The following B3GNT2 variants were observed in gnomAD, a reference collection of about 807,000 sequenced individuals.
B3GNT2 encodes N-acetyllactosaminide beta-1,3-N-acetylglucosaminyltransferase 2.
Under a neutral mutation model 27.6 loss-of-function variants are expected in B3GNT2, and 12 were observed. The ratio of observed to expected loss-of-function variants is 0.44; its 90% CI spans 0.28 to 0.71. The LOEUF is 0.71. Among genes scored for constraint, B3GNT2 ranks in the 30% least tolerant of loss-of-function variants. The pLI is 0.17. For synonymous variants in B3GNT2, 192 were observed against 189.7 expected (o/e 1.01, Z -0.10); for missense variants, 413 against 488.5 (o/e 0.85, Z 1.46).
intron 1 of B3GNT2, among the ~76,000 whole-genome samples, chr2:62,208,758 C>T (rs1674426709): frequency 6.6e-6 from 1 of 152,156 alleles, no homozygotes; most frequent in Non-Finnish European, 1.5e-5. Flanking sequence ...CCTTTACTGT[C>T]CCTCCCCTTC....
In B3GNT2 at chr2:62,222,055, CA is replaced by C. The variant is rs1045910596; in HGVS notation, c.-9-154del. ...GGACTATCCCACTTGCCCATGATCA[CA>C]AAGCTAGAAAGGAAGGGCCAAGATT... On this transcript the variant is annotated intron_variant, in intron 1 of 1. Coordinates refer to ENST00000301998, the MANE Select transcript of B3GNT2 (RefSeq NM_006577.6). This position sits in a 1 kb window ranked among gnomAD's most constrained non-coding sequence, Gnocchi z 4.2. Among the ~76,000 whole-genome samples the C allele has an allele frequency of 4.6e-5, 7 of 152,206 alleles. No homozygotes were observed. Among genetic ancestry groups the C allele is most frequent in the African/African-American group, 1.7e-4 (7 of 41,508 alleles).
chr2:62,197,948 C>T (rs886287635), intron 1 of B3GNT2, among the ~76,000 whole-genome samples: 1 of 152,218 alleles, frequency 6.6e-6, no homozygotes, highest in Non-Finnish European at 1.5e-5. Flanking sequence ...GGAGCCCATG[C>T]GCTCTTAAAC....
intron 1 of B3GNT2, among the ~76,000 whole-genome samples, chr2:62,197,501 G>A (rs1026231169): frequency 2.5e-4 from 38 of 152,314 alleles, no homozygotes; most frequent in African/African-American, 8.4e-4. Flanking sequence ...GCTCACAGGT[G>A]CCTGAGCTGT....
chr2:62,204,276 T>C (rs1269650160), intron 1 of B3GNT2, among the ~76,000 whole-genome samples: 1 of 145,326 alleles, frequency 6.9e-6, no homozygotes, highest in African/African-American at 2.5e-5. Context: ...TCCACCTGCC[T>C]TGGCCTCCCA....
At chr2:62,214,569 T>C (rs953730006) in intron 1 of B3GNT2, among the ~76,000 whole-genome samples, 29 of 152,316 alleles carry the variant, frequency 1.9e-4, no homozygotes, top group African/African-American at 6.3e-4. Context: ...GAGGTGATGC[T>C]CATGGCATTG....
chr2:62,212,150 G>A (rs1261058577), intron 1 of B3GNT2, among the ~76,000 whole-genome samples: 2 of 152,106 alleles, frequency 1.3e-5, no homozygotes, highest in African/African-American at 4.8e-5. Context: ...TGTAAGTAGA[G>A]GGCTCTGAAG....
rs115331463 is a variant in B3GNT2, at chr2:62,217,603, C to T, written c.-9-4609C>T. Among the ~76,000 whole-genome samples, 499 of 152,240 alleles carry T rather than the reference C, an allele frequency of 3.3e-3. 5 individuals carry two copies. Among genetic ancestry groups the T allele is most frequent in the African/African-American group, 0.011 (471 of 41,510 alleles). On this transcript the variant is annotated intron_variant, in intron 1 of 1. Transcript: ENST00000301998. ...GCAGCACTGTAGGGGTCGAATACGG[C>T]GATGCTGACACAGGCTGGGGGTGGG... is the stretch of plus-strand genomic sequence containing the variant.
At chr2:62,215,450 G>A (rs1674554572) in intron 1 of B3GNT2, 1 of 152,302 alleles carries the variant, frequency 6.6e-6, no homozygotes. Flanking sequence ...TGGTCCCACT[G>A]AGCTGCTCCA....
intron 1 of B3GNT2, among the ~76,000 whole-genome samples, chr2:62,202,717 A>G (rs536750336): frequency 6.6e-6 from 1 of 152,234 alleles, no homozygotes; most frequent in Non-Finnish European, 1.5e-5. Flanking sequence ...TCTCTCAGAA[A>G]GAAGCTGGAG....
intron 1 of B3GNT2, among the ~76,000 whole-genome samples, chr2:62,214,500 C>T (rs1674535297): frequency 2.0e-5 from 3 of 152,170 alleles, no homozygotes; most frequent in Non-Finnish European, 4.4e-5. Flanking sequence ...AGGGACTCTG[C>T]AAGGCATGTG....
At chr2:62,204,326 T>G (rs1674327407) in intron 1 of B3GNT2, among the ~76,000 whole-genome samples, 1 of 152,250 alleles carries the variant, frequency 6.6e-6, no homozygotes, top group East Asian at 1.9e-4. Context: ...TTATTTTCTT[T>G]GAGAAGCACT....
In B3GNT2 at chr2:62,222,952, C is replaced by A; in HGVS notation, c.732C>A (p.Gly244=). 6.2e-7 allele frequency: 1 copy of A among 1,614,092 alleles called. No individual in the cohort carries two copies. Among genetic ancestry groups the A allele is most frequent in the Non-Finnish European group, 8.5e-7 (1 of 1,180,012 alleles). The part of the protein sequence containing the change: ...SCPDTEFVFK[G]DDDVFVNTHH... Reference sequence around the variant, plus strand: ...CAGACACTGAGTTTGTTTTCAAGGGCGATGACGATGTTTTTGTGAACACCC... The same window carrying A: ...CAGACACTGAGTTTGTTTTCAAGGGAGATGACGATGTTTTTGTGAACACCC... Residue 244 remains glycine (G), a synonymous_variant, in exon 2 of 2, where the codon GGC becomes GGA. Transcript: ENST00000301998. The surrounding 1 kb of genome is among the most constrained non-coding windows in gnomAD (Gnocchi z 4.2).
chr2:62,201,327 T>C (rs1010862592), intron 1 of B3GNT2, among the ~76,000 whole-genome samples: 2 of 152,242 alleles, frequency 1.3e-5, no homozygotes, highest in African/African-American at 2.4e-5. Context: ...CTGTGTAACA[T>C]GAGCTAGGAT....
At chr2:62,213,681 C>T (rs1395196606) in intron 1 of B3GNT2, among the ~76,000 whole-genome samples, 1 of 152,200 alleles carries the variant, frequency 6.6e-6, no homozygotes, top group African/African-American at 2.4e-5. Flanking sequence ...GGAGTCAGCA[C>T]TGCTGAAATT....
rs558107673 is a variant in B3GNT2, at chr2:62,223,570, C to T, written c.*156C>T. On this transcript the variant is annotated 3_prime_UTR_variant, in exon 2 of 2. Transcript: ENST00000301998. The stretch of plus-strand genomic sequence containing the variant: ...TCTAAACCCTTCAATTTGGTACTCA[C>T]GTGAAGAGGGAAAGCGGAAGATGGT... The T allele has an allele frequency of 6.2e-5, 39 of 628,526 alleles. No homozygotes were observed. The highest frequency in any genetic ancestry group is 6.0e-4 in the South Asian group (26 of 43,282). The allele number at this position is 628,526 out of a possible 1,614,324, so 38.9% of individuals were successfully genotyped here.
At chr2:62,211,697 G>A (rs1308747488) in intron 1 of B3GNT2, among the ~76,000 whole-genome samples, 1 of 152,162 alleles carries the variant, frequency 6.6e-6, no homozygotes, top group Non-Finnish European at 1.5e-5. Flanking sequence ...TAGCAGCCCT[G>A]GGCCCCACCA....
At chr2:62,209,086 G>A in intron 1 of B3GNT2, among the ~76,000 whole-genome samples, 1 of 152,058 alleles carries the variant, frequency 6.6e-6, no homozygotes, top group Admixed American at 6.6e-5. Context: ...TGCCTCCCGG[G>A]TTCAAGCGCC....
At chr2:62,207,960 G>A (rs1011667516) in intron 1 of B3GNT2, among the ~76,000 whole-genome samples, 2 of 152,168 alleles carry the variant, frequency 1.3e-5, no homozygotes, top group African/African-American at 4.8e-5. Flanking sequence ...CTGCTTCTCT[G>A]TGTGTGGCCA....
intron 1 of B3GNT2, among the ~76,000 whole-genome samples, chr2:62,198,054 A>C (rs778995638): frequency 1.3e-5 from 2 of 152,258 alleles, no homozygotes; most frequent in African/African-American, 2.4e-5. Flanking sequence ...AGACTTTACA[A>C]ATGTGTTTAT....
Sources: gnomAD v4.1 joint callset for allele counts (sites outside exome capture counted in the v4.1 genomes callset) on GRCh38, gnomAD v4.1.1 for gene constraint, Gnocchi (gnomAD v3.1) non-coding constraint, MANE v1.5 for transcripts, NCBI Gene and HGNC (gene_info 2026-07-23, HGNC 2026-07-21) for gene names.